Variants in TSGA10 observed in about 807,000 individuals in gnomAD.
TSGA10 encodes testis-specific gene 10 protein.
A neutral mutation model predicts 96.6 loss-of-function variants in TSGA10; 43 were observed. That is an observed-to-expected ratio of 0.44 (90% confidence interval 0.35 to 0.57). The LOEUF (loss-of-function observed/expected upper bound fraction) is 0.57. Among genes scored for constraint, TSGA10 ranks in the 20% least tolerant of loss-of-function variants. The pLI is 0.01. For missense variants in TSGA10, 703 were observed against 834.4 expected (o/e 0.84, Z 1.94); for synonymous variants, 229 against 269.9 (o/e 0.85, Z 1.48).
At chr2:99,018,064 T>C (rs999311340) in intron 20 of TSGA10, 136 bp downstream of exon 20, 8 of 704,734 alleles carry the variant, frequency 1.1e-5, no homozygotes, top group Non-Finnish European at 1.7e-5. Context: ...CTGTATTTTA[T>C]ATCAATATAT....
intron 2 of TSGA10, chr2:99,126,733 C>T (rs1402241549): frequency 5.7e-6 from 1 of 175,826 alleles, no homozygotes; most frequent in Non-Finnish European, 1.2e-5. Context: ...ACTCAAGTGT[C>T]ATAATTATTT....
chr2:99,100,674 G>T (rs1413400398), intron 10 of TSGA10, among the ~76,000 whole-genome samples: 1 of 151,578 alleles, frequency 6.6e-6, no homozygotes, highest in Non-Finnish European at 1.5e-5. Flanking sequence ...CAAAAAATTA[G>T]CCAGGCGCGG....
chr2:99,102,658 A>G (rs140888739), intron 10 of TSGA10: 2 of 1,614,004 alleles, frequency 1.2e-6, no homozygotes, highest in African/African-American at 2.7e-5. Context: ...GACAAATTCT[A>G]TGGTGTAAAG....
chr2:99,109,012 T>A, intron 6 of TSGA10, 21 bp from the exon 7 acceptor site: 1 of 1,470,176 alleles, frequency 6.8e-7, no homozygotes, highest in Non-Finnish European at 9.0e-7. Flanking sequence ...ATAAGGAATT[T>A]GAAATCTTCT....
intron 16 of TSGA10, among the ~76,000 whole-genome samples, chr2:99,042,041 T>TCC (rs2082243392): frequency 7.5e-6 from 1 of 132,972 alleles, no homozygotes; most frequent in Non-Finnish European, 1.7e-5. Flanking sequence ...CCCCCCCACA[T>TCC]TTTTTTTTTT....
chr2:99,060,970 T>G (rs1444968492), intron 16 of TSGA10, among the ~76,000 whole-genome samples: 1 of 152,052 alleles, frequency 6.6e-6, no homozygotes, highest in Non-Finnish European at 1.5e-5. Context: ...AATATAAAAT[T>G]CCTAAAAGAA....
chr2:99,074,284 G>A (rs529028264), intron 12 of TSGA10, among the ~76,000 whole-genome samples: 1 of 151,844 alleles, frequency 6.6e-6, no homozygotes, highest in Non-Finnish European at 1.5e-5. Context: ...AAAGTGCTGG[G>A]ATTACAGGCG....
intron 12 of TSGA10, among the ~76,000 whole-genome samples, 182 bp from the exon 13 acceptor site, chr2:99,073,255 T>C (rs2086196202): frequency 6.6e-6 from 1 of 152,192 alleles, no homozygotes; most frequent in South Asian, 2.1e-4. Flanking sequence ...TTGCACTGGG[T>C]AAAAATAGAT....
chr2:99,035,445 A>G lies in TSGA10; in HGVS notation c.1405-6T>C. 6.3e-7 allele frequency: 1 copy of G among 1,589,278 alleles called. No homozygotes were observed. Among genetic ancestry groups the G allele is most frequent in the Non-Finnish European group, 8.6e-7 (1 of 1,162,464 alleles). ...GACCTTTCTGCATTTAAGTGCTGTA[A>G]GAATAAAATTATATATATGTATGTA... is the stretch of plus-strand genomic sequence containing the variant. On this transcript the variant is annotated splice_region_variant and splice_polypyrimidine_tract_variant and intron_variant, in intron 16 of 20. Coordinates refer to ENST00000393483, the MANE Select transcript of TSGA10 (RefSeq NM_025244.4).
chr2:99,057,884 G>C (rs1164769167), intron 16 of TSGA10, among the ~76,000 whole-genome samples: 2 of 152,180 alleles, frequency 1.3e-5, no homozygotes, highest in African/African-American at 2.4e-5. Flanking sequence ...GTGTGGTACT[G>C]ATATAAGGAT....
At chr2:99,124,463 AG>A (rs1294960283) in intron 2 of TSGA10, among the ~76,000 whole-genome samples, 2 of 152,222 alleles carry the variant, frequency 1.3e-5, no homozygotes, top group African/African-American at 4.8e-5. Flanking sequence ...AAAATTGATT[AG>A]GAAGTACAAA....
At chr2:99,077,283 G>T (rs1164319026) in intron 12 of TSGA10, among the ~76,000 whole-genome samples, 1 of 151,720 alleles carries the variant, frequency 6.6e-6, no homozygotes, top group African/African-American at 2.4e-5. Context: ...TGGGACTACA[G>T]GCATGTGCCA....
chr2:99,105,295 G>A lies in TSGA10; in HGVS notation c.459+64C>T, dbSNP rs142817544. On this transcript the variant is annotated intron_variant, in intron 9 of 20. Coordinates refer to ENST00000393483, the MANE Select transcript of TSGA10 (RefSeq NM_025244.4). ...ATAACTTCTCTGAATACAGAAAAAG[G>A]AGAAAGGGGAAAGCCATTGAGTGTT... 1.2e-3 allele frequency: 1,643 copies of A among 1,355,092 alleles called. 18 individuals carry two copies. In the African/African-American group the frequency reaches 0.022, roughly 18 times the overall value. 83.9% of individuals were successfully genotyped at this position (1,355,092 alleles called of 1,614,324 possible).
At chr2:99,094,912 G>A (rs748936880) in intron 10 of TSGA10, among the ~76,000 whole-genome samples, 1 of 152,068 alleles carries the variant, frequency 6.6e-6, no homozygotes. Context: ...TCTACCCAGA[G>A]GAAAAGAAGT....
chr2:99,091,403 C>A (rs1411667456), intron 10 of TSGA10, among the ~76,000 whole-genome samples: 3 of 151,916 alleles, frequency 2.0e-5, no homozygotes, highest in Non-Finnish European at 4.4e-5. Context: ...TACATAAATA[C>A]CAAGGTATTC....
intron 18 of TSGA10, 109 bp from the exon 19 acceptor site, chr2:99,018,749 C>T: frequency 1.1e-6 from 1 of 927,406 alleles, no homozygotes; most frequent in South Asian, 1.9e-5. Flanking sequence ...ATCCAAATCA[C>T]ATTGTGATTT....
chr2:99,056,226 A>G (rs2083976854), intron 16 of TSGA10, among the ~76,000 whole-genome samples: 1 of 152,102 alleles, frequency 6.6e-6, no homozygotes, highest in African/African-American at 2.4e-5. Context: ...GAAAATAACA[A>G]TAGTCAACAC....
At chr2:99,014,411 A>T (rs1432964775) in intron 20 of TSGA10, among the ~76,000 whole-genome samples, 2 of 152,210 alleles carry the variant, frequency 1.3e-5, no homozygotes, top group Non-Finnish European at 2.9e-5. Context: ...AATGAAATCA[A>T]GATGGAAATT....
intron 16 of TSGA10, 97 bp from the exon 17 acceptor site, chr2:99,035,536 A>G: frequency 1.4e-6 from 1 of 730,210 alleles, no homozygotes; most frequent in South Asian, 2.5e-5. Context: ...ATCTAAGAGT[A>G]GTGCACTTAG....
Sources: gnomAD v4.1 joint callset for allele counts (sites outside exome capture counted in the v4.1 genomes callset) on GRCh38, gnomAD v4.1.1 for gene constraint, MANE v1.5 for transcripts, NCBI Gene and HGNC (gene_info 2026-07-23, HGNC 2026-07-21) for gene names.